The following TNC variants were observed in gnomAD, a reference collection of about 807,000 sequenced individuals.
The protein encoded by TNC is tenascin.
Under a neutral mutation model 202.4 loss-of-function variants are expected in TNC, and 109 were observed. The ratio of observed to expected loss-of-function variants is 0.54; its 90% CI spans 0.46 to 0.63. The LOEUF (loss-of-function observed/expected upper bound fraction) is 0.63. TNC is among the 30% of genes least tolerant of loss of function. The probability of loss-of-function intolerance (pLI) is 0.00; values close to 1 mark genes in which losing one functional copy is unlikely to be tolerated. For synonymous variants in TNC, 1,007 were observed against 1,089.7 expected, an observed-to-expected ratio of 0.92 and a Z score of 1.50; for missense variants, 2,756 against 2,833.3, an observed-to-expected ratio of 0.97 and a Z score of 0.62.
At chr9:115,040,342 G>T (rs1388879307) in intron 19 of TNC, among the ~76,000 whole-genome samples, 1 of 152,192 alleles carries the variant, frequency 6.6e-6, no homozygotes, top group Non-Finnish European at 1.5e-5. Context: ...TAGTAACAGT[G>T]CCTGGAATGC....
At chr9:115,110,589 T>C (rs980801888) in intron 1 of TNC, among the ~76,000 whole-genome samples, 2 of 152,058 alleles carry the variant, frequency 1.3e-5, no homozygotes, top group Non-Finnish European at 2.9e-5. Context: ...GTGTGTGGGG[T>C]TAGTAAAGAA....
intron 6 of TNC, among the ~76,000 whole-genome samples, chr9:115,080,555 A>G (rs974811844): frequency 1.3e-5 from 2 of 152,226 alleles, no homozygotes; most frequent in Non-Finnish European, 2.9e-5. Context: ...CGCATATGTT[A>G]TCTTGAAGAA....
chr9:115,048,238 T>G (rs1268843787), intron 16 of TNC, 22 bp downstream of exon 16: 1 of 1,608,346 alleles, frequency 6.2e-7, no homozygotes, highest in Admixed American at 1.7e-5. Flanking sequence ...GAGGAACAAA[T>G]GGCTCACTTG....
At chr9:115,073,467 G>T in intron 10 of TNC, 136 bp downstream of exon 10, 1 of 976,480 alleles carries the variant, frequency 1.0e-6, no homozygotes, top group Non-Finnish European at 1.5e-6. Flanking sequence ...TTTCAAAGTG[G>T]TGTTCAGGGG....
rs34490502 is a variant in TNC at position 115,020,557 on chromosome 9, T to TA, written c.*599dup. 0.48 allele frequency: 111,583 copies of TA among 233,320 alleles called. 24,421 individuals are homozygous for TA. The highest frequency in any genetic ancestry group is 0.52 in the East Asian group (4,776 of 9,184). 14.5% of individuals were successfully genotyped at this position (233,320 alleles called of 1,614,324 possible). A position where few individuals can be genotyped will look rare whatever the true frequency, so the allele number is the denominator to read the frequency against. On this transcript the variant is annotated 3_prime_UTR_variant, in exon 28 of 28. Coordinates refer to ENST00000350763, the MANE Select transcript of TNC (RefSeq NM_002160.4). ...ACTCAAAAGTACTTGTGCTTTTATT[T>TA]AAAAAAAAAATACAATCAGGTACTG...
intron 10 of TNC, among the ~76,000 whole-genome samples, chr9:115,067,762 G>A (rs1035741461): frequency 1.3e-5 from 2 of 151,310 alleles, no homozygotes; most frequent in African/African-American, 2.4e-5. Context: ...TTTACATAAT[G>A]TCATGTTGTT....
Position 115,090,805 on chromosome 9 carries a change from T to G in TNC, c.214A>C (p.Ser72Arg). 2 of 1,614,202 alleles carry G rather than the reference T, an allele frequency of 1.2e-6. No homozygotes were observed. The highest frequency in any genetic ancestry group is 2.2e-5 in the South Asian group (2 of 91,092). Reference protein sequence around the residue: ...SQCSVDLESASGEKDLAPPSE... With the variant: ...SQCSVDLESARGEKDLAPPSE... ...GGCGGTGCCAGGTCTTTCTCCCCAC[T>G]GGCTGACTCCAGATCCACCGAACAC... Residue 72 changes from serine to arginine, a missense_variant, in exon 2 of 28, where the codon AGT becomes CGT. Ser to Arg is a moderately radical substitution (Grantham distance 110). Coordinates refer to ENST00000350763, the MANE Select transcript of TNC (RefSeq NM_002160.4).
At chr9:115,065,212 A>G (rs1832857859) in intron 10 of TNC, among the ~76,000 whole-genome samples, 1 of 152,128 alleles carries the variant, frequency 6.6e-6, no homozygotes. Context: ...CCTGGCCAAC[A>G]TGGTGAAACC....
At chr9:115,116,115 T>A (rs1293570128) in intron 1 of TNC, among the ~76,000 whole-genome samples, 1 of 152,182 alleles carries the variant, frequency 6.6e-6, no homozygotes, top group Admixed American at 6.5e-5. Flanking sequence ...TAGTTTGTCA[T>A]CTCCATTATA....
At chr9:115,099,835 C>T (rs766022010) in intron 1 of TNC, among the ~76,000 whole-genome samples, 3 of 152,172 alleles carry the variant, frequency 2.0e-5, no homozygotes, top group Non-Finnish European at 4.4e-5. Flanking sequence ...CTGGGAAGCC[C>T]TCTCTTTCCC....
At chr9:115,041,255 C>T (rs919840748) in intron 18 of TNC, among the ~76,000 whole-genome samples, 171 bp from the exon 19 acceptor site, 6 of 141,192 alleles carry the variant, frequency 4.2e-5, no homozygotes, top group Admixed American at 3.0e-4. Context: ...AGAAGGCTTA[C>T]TTTTTGTATG....
At chr9:115,064,962 A>C in intron 10 of TNC, 43 bp from the exon 11 acceptor site, 1 of 1,584,148 alleles carries the variant, frequency 6.3e-7, no homozygotes, top group Admixed American at 1.7e-5. Context: ...TATTCCTCAG[A>C]AAGTTTTGCT....
At chr9:115,062,029 G>C (rs1411461) in intron 13 of TNC, among the ~76,000 whole-genome samples, 1 of 152,092 alleles carries the variant, frequency 6.6e-6, no homozygotes, top group African/African-American at 2.4e-5. Flanking sequence ...TGCCTATCAG[G>C]TGGGTGTTAG....
chr9:115,073,981 G>A (rs761176779), intron 9 of TNC, 115 bp from the exon 10 acceptor site: 11 of 1,062,536 alleles, frequency 1.0e-5, no homozygotes, highest in Non-Finnish European at 1.3e-5. Context: ...GAGGAGCTGA[G>A]GGACCACAGG....
At chr9:115,061,190 T>C (rs1832519476) in intron 13 of TNC, among the ~76,000 whole-genome samples, 1 of 152,186 alleles carries the variant, frequency 6.6e-6, no homozygotes, top group Admixed American at 6.5e-5. Flanking sequence ...ATATAGATAC[T>C]TGCTCTTGGG....
rs530925193 is a variant in TNC at position 115,029,408 on chromosome 9, T to C, written c.6121A>G (p.Lys2041Glu). The C allele has an allele frequency of 6.2e-7, 1 of 1,614,156 alleles. No individual in the cohort carries two copies. The stretch of plus-strand genomic sequence containing the variant: ...TCCCCAAATCCAGCAGCATATGCCT[T>C]CCAGTTTTGGTAGAAGTTCTCGCGT... ...NGRENFYQNW[K>E]AYAAGFGDRR... The change falls in exon 25 of 28, where the codon AAG becomes GAG. Residue 2041 changes from lysine to glutamate, a missense_variant. Physicochemically the swap from Lys to Glu is moderately conservative, Grantham distance 56. Around this residue, in one of 2 missense-constraint regions of TNC, gnomAD observed 197 missense variants for 287.3 expected, o/e 0.69. Coordinates refer to ENST00000350763, the MANE Select transcript of TNC (RefSeq NM_002160.4).
rs747344662 is a variant in TNC, at chr9:115,063,807, T to C, written c.3749A>G (p.Glu1250Gly). ...QDFSTTPLSVEVLTEEVPDMG... is the reference protein window; with the variant it reads ...QDFSTTPLSVGVLTEEVPDMG... ...TTCGTCTAGAATACCTGTCAAGACT[T>C]CAACAGAGAGAGGGGTTGTGCTGAA... The change falls in exon 12 of 28, where the codon GAA (glutamate) becomes GGA (glycine). Residue 1250 changes from glutamate to glycine, a missense_variant. This residue lies in a region of TNC where 2,559 missense variants were observed against 2,546.0 expected (regional missense o/e 1.01). Transcript: ENST00000350763. 2.5e-6 allele frequency: 4 copies of C among 1,612,208 alleles called. No homozygotes were observed. The highest frequency in any genetic ancestry group is 1.7e-6 in the Non-Finnish European group (2 of 1,178,462).
At chr9:115,056,174 A>C (rs558804027) in intron 15 of TNC, among the ~76,000 whole-genome samples, 1 of 151,814 alleles carries the variant, frequency 6.6e-6, no homozygotes, top group South Asian at 2.1e-4. Context: ...TATAAGGAAA[A>C]ATTATCCTGT....
In TNC at chr9:115,086,741, G is replaced by A. The variant is rs770187522; in HGVS notation, c.990C>T (p.Cys330=). ...CACCTGTGAAGCCTTCTTCGCAGTA[G>A]CAGGTGCCATTGATGCAGCGGCCCC... ...FDRGRCINGT[C]YCEEGFTGED... is the part of the protein sequence containing the mutation. The change falls in exon 3 of 28, where the codon TGC becomes TGT. Residue 330 remains cysteine (C), a synonymous_variant. Coordinates refer to ENST00000350763, the MANE Select transcript of TNC (RefSeq NM_002160.4). 1.2e-6 allele frequency: 2 copies of A among 1,613,898 alleles called. No individual in the cohort carries two copies. Among genetic ancestry groups the A allele is most frequent in the South Asian group, 2.2e-5 (2 of 91,088 alleles).
Sources: allele counts gnomAD v4.1 joint callset (sites outside exome capture counted in the v4.1 genomes callset), GRCh38; gene constraint gnomAD v4.1.1; regional missense constraint gnomAD v4.1.1; transcripts MANE v1.5; gene names NCBI Gene and HGNC (gene_info 2026-07-23, HGNC 2026-07-21).